Variants in NAALADL2 observed in about 807,000 individuals in gnomAD.
The protein encoded by NAALADL2 is N-acetylated alpha-linked acidic dipeptidase like 2.
In NAALADL2, 76 loss-of-function variants were observed where a neutral mutation model predicts 87.2. That is an observed-to-expected ratio of 0.87 (90% CI 0.72 to 1.05). NAALADL2 has a LOEUF of 1.05. Among genes scored for constraint, NAALADL2 ranks in the 50% least tolerant of loss-of-function variants. The probability of loss-of-function intolerance (pLI) is 0.00; values close to 1 mark genes in which losing one functional copy is unlikely to be tolerated. For synonymous variants in NAALADL2, 354 were observed against 331.0 expected, an observed-to-expected ratio of 1.07 and a Z score of -0.75; for missense variants, 1,089 against 945.8, an observed-to-expected ratio of 1.15 and a Z score of -1.99.
At chr3:175,282,231 A>C (rs1482594168) in intron 4 of NAALADL2, among the ~76,000 whole-genome samples, 1 of 152,108 alleles carries the variant, frequency 6.6e-6, no homozygotes. Context: ...ATGTATCTAC[A>C]ATTAACCCAA....
intron 5 of NAALADL2, among the ~76,000 whole-genome samples, chr3:175,335,949 C>T (rs1465549440): frequency 3.9e-5 from 6 of 152,098 alleles, no homozygotes; most frequent in Admixed American, 1.3e-4. Flanking sequence ...CTGCTGGAAA[C>T]GTGTCAGGTA....
Position 175,483,119 on chromosome 3 carries a change from A to G in NAALADL2, c.1653+11361A>G, listed in dbSNP as rs889233903. Reference sequence around the variant, plus strand: ...TACTAATTTAGCAAAACTTTTATATATCAAATTGCTGTGTTATATATAATA... The same window carrying G: ...TACTAATTTAGCAAAACTTTTATATGTCAAATTGCTGTGTTATATATAATA... On this transcript the variant is annotated intron_variant, in intron 9 of 13. Coordinates refer to ENST00000454872, the MANE Select transcript of NAALADL2 (RefSeq NM_207015.3). Among the ~76,000 whole-genome samples, 4 of 151,912 alleles carry G rather than the reference A, an allele frequency of 2.6e-5. No individual in the cohort carries two copies. The South Asian group carries it at 8.3e-4, about 31-fold the overall frequency.
intron 1 of NAALADL2, among the ~76,000 whole-genome samples, chr3:174,904,104 T>C (rs1176436348): frequency 6.6e-6 from 1 of 151,754 alleles, no homozygotes; most frequent in Non-Finnish European, 1.5e-5. Flanking sequence ...TATATGTAGT[T>C]AAACATCTCT....
Position 174,871,924 on chromosome 3 carries a change from A to G in NAALADL2, c.43+12474A>G, listed in dbSNP as rs183387923. Among the ~76,000 whole-genome samples, 11 of 152,026 alleles carry G rather than the reference A, an allele frequency of 7.2e-5. No homozygotes were observed. In the East Asian group the frequency reaches 2.1e-3, roughly 29 times the overall value. ...AAAATAAATAAATAAATAAATAAAT[A>G]CCTTGTTTTAAGAAAAATGATAACA... On this transcript the variant is annotated intron_variant, in intron 1 of 13. Transcript: ENST00000454872.
chr3:175,538,600 G>C (rs778880438), intron 9 of NAALADL2, among the ~76,000 whole-genome samples: 4 of 152,072 alleles, frequency 2.6e-5, no homozygotes, highest in Non-Finnish European at 5.9e-5. Flanking sequence ...GATAGATAGA[G>C]ATATAAATGA....
intron 9 of NAALADL2, among the ~76,000 whole-genome samples, chr3:175,501,259 T>A (rs1468351633): frequency 2.0e-5 from 3 of 152,180 alleles, no homozygotes; most frequent in African/African-American, 7.2e-5. Flanking sequence ...ATCAAGATAT[T>A]CTGTCTCTTG....
intron 11 of NAALADL2, among the ~76,000 whole-genome samples, chr3:175,645,687 G>A (rs562689289): frequency 3.8e-4 from 58 of 152,224 alleles, no homozygotes; most frequent in African/African-American, 1.3e-3. Flanking sequence ...CTGGAAACTA[G>A]AGAACAAGGT....
chr3:175,216,668 C>CTTT (rs3067029), intron 2 of NAALADL2, among the ~76,000 whole-genome samples: 27,289 of 85,120 alleles, frequency 0.32, 4,866 homozygotes, highest in African/African-American at 0.56. Context: ...TTTTTCTTTT[C>CTTT]TTTTTTTTTT....
chr3:174,759,652 A>G (rs1038258072), intron 3 of NAALADL2, among the ~76,000 whole-genome samples: 23 of 152,302 alleles, frequency 1.5e-4, no homozygotes, highest in African/African-American at 5.1e-4. Flanking sequence ...GTACCAAACC[A>G]AATCTACTAA....
intron 11 of NAALADL2, among the ~76,000 whole-genome samples, chr3:175,696,433 C>A (rs1049009252): frequency 6.6e-6 from 1 of 152,050 alleles, no homozygotes; most frequent in African/African-American, 2.4e-5. Flanking sequence ...TCCTTTTAGC[C>A]AGGGCTTGAG....
chr3:175,556,847 A>G (rs1369054359), intron 9 of NAALADL2, among the ~76,000 whole-genome samples: 1 of 152,128 alleles, frequency 6.6e-6, no homozygotes, highest in East Asian at 1.9e-4. Context: ...TAATTTTCAG[A>G]TGGTTTTAAC....
intron 1 of NAALADL2, among the ~76,000 whole-genome samples, chr3:175,062,476 CTGTGTGTGTGTGTGTGTGTG>C (rs71792051): frequency 0.027 from 3,547 of 131,570 alleles, 128 homozygotes; most frequent in African/African-American, 0.093. Flanking sequence ...GGAAGTTTGG[CTGTGTGTGTGTGTGTGTGTG>C]TGTGTGTGTG....
chr3:175,480,827 C>A lies in NAALADL2; in HGVS notation c.1653+9069C>A, dbSNP rs113327013. Among the ~76,000 whole-genome samples, 807 of 151,786 alleles carry A rather than the reference C, an allele frequency of 5.3e-3. 6 individuals carry two copies. Among genetic ancestry groups the A allele is most frequent in the African/African-American group, 0.019 (769 of 41,468 alleles). ...GGGTGATTGACATTTTCACTTTAAC[C>A]TAGAATTTAAATAAAAGAACTATGT... On this transcript the variant is annotated intron_variant, in intron 9 of 13. Coordinates refer to ENST00000454872, the MANE Select transcript of NAALADL2 (RefSeq NM_207015.3).
intron 12 of NAALADL2, among the ~76,000 whole-genome samples, chr3:175,750,527 A>G (rs1488354405): frequency 6.6e-6 from 1 of 152,014 alleles, no homozygotes; most frequent in African/African-American, 2.4e-5. Context: ...TTTGGATTGG[A>G]GGGAGATTTA....
intron 2 of NAALADL2, among the ~76,000 whole-genome samples, chr3:174,602,831 A>T (rs1336337004): frequency 1.3e-5 from 2 of 152,054 alleles, no homozygotes; most frequent in Admixed American, 6.6e-5. Context: ...GATTTTTATT[A>T]TGAAGTGATG....
chr3:174,530,432 A>G (rs1051948931), intron 1 of NAALADL2, among the ~76,000 whole-genome samples: 29 of 152,040 alleles, frequency 1.9e-4, no homozygotes, highest in African/African-American at 6.8e-4. Flanking sequence ...AACCCTGCAA[A>G]CTGTTCCAAC....
chr3:175,128,227 A>G (rs544909801), intron 2 of NAALADL2, among the ~76,000 whole-genome samples: 32 of 152,210 alleles, frequency 2.1e-4, no homozygotes, highest in Non-Finnish European at 8.8e-5. Flanking sequence ...TATTTTATTT[A>G]AAGCATTTTT....
intron 6 of NAALADL2, 80 bp from the exon 7 acceptor site, chr3:175,463,321 T>C (rs1245939437): frequency 5.9e-6 from 5 of 853,386 alleles, no homozygotes; most frequent in African/African-American, 5.2e-5. Context: ...GCTGATGATA[T>C]TGGATAAAAT....
At position 174,617,632 on chromosome 3, in the gene NAALADL2, T is replaced by C. The variant is rs139389660; in HGVS notation, c.-115+66995T>C. On this transcript the variant is annotated intron_variant, in intron 2 of 3. Transcript: ENST00000434257. Reference sequence around the variant, plus strand: ...ATCTTGACATTCTTAATTAGACCTATGTCTACAGAGTCATTTTTCTTCTAT... The same window carrying C: ...ATCTTGACATTCTTAATTAGACCTACGTCTACAGAGTCATTTTTCTTCTAT... Among the ~76,000 whole-genome samples the C allele has an allele frequency of 2.5e-3, 375 of 151,812 alleles. 2 individuals are homozygous for C. The highest frequency in any genetic ancestry group is 8.6e-3 in the African/African-American group (358 of 41,530).
Sources: allele counts gnomAD v4.1 joint callset (sites outside exome capture counted in the v4.1 genomes callset), GRCh38; gene constraint gnomAD v4.1.1; transcripts MANE v1.5; gene names NCBI Gene and HGNC (gene_info 2026-07-23, HGNC 2026-07-21).